SLC25A26: variants seen among roughly 807,000 people sequenced by gnomAD.
SLC25A26 encodes the protein solute carrier family 25 member 26.
In SLC25A26, 36 loss-of-function variants were observed where a neutral mutation model predicts 37.8. The observed-to-expected ratio is 0.95, with a 90% CI of 0.73 to 1.26. The LOEUF is 1.26. SLC25A26 is among the 50% of genes most tolerant of loss of function. The probability of loss-of-function intolerance (pLI) is 0.00; values close to 1 mark genes in which losing one functional copy is unlikely to be tolerated. For missense variants in SLC25A26, 390 were observed against 331.1 expected, an observed-to-expected ratio of 1.18 and a Z score of -1.38; for synonymous variants, 129 against 122.5, an observed-to-expected ratio of 1.05 and a Z score of -0.35.
chr3:66,277,466 G>T (rs2074193924), intron 5 of SLC25A26, among the ~76,000 whole-genome samples: 1 of 151,840 alleles, frequency 6.6e-6, no homozygotes, highest in South Asian at 2.1e-4. Context: ...TTGTTCAAAG[G>T]GTACAAATTG....
At chr3:66,214,137 G>T (rs2071326237) in intron 1 of SLC25A26, among the ~76,000 whole-genome samples, 1 of 152,030 alleles carries the variant, frequency 6.6e-6, no homozygotes, top group African/African-American at 2.4e-5. Flanking sequence ...TTGGGTCATG[G>T]GGGTGGATCC....
At chr3:66,310,487 G>A (rs1434392383) in intron 5 of SLC25A26, among the ~76,000 whole-genome samples, 2 of 152,162 alleles carry the variant, frequency 1.3e-5, no homozygotes, top group African/African-American at 2.4e-5. Context: ...GGGGCATCTA[G>A]CCCATTTACA....
intron 1 of SLC25A26, among the ~76,000 whole-genome samples, chr3:66,141,655 G>GCATATGTGGTA (rs1160969281): frequency 6.6e-6 from 1 of 152,078 alleles, no homozygotes; most frequent in Non-Finnish European, 1.5e-5. Flanking sequence ...TGGGATTACA[G>GCATATGTGGTA]GCATATGCCA....
intron 5 of SLC25A26, among the ~76,000 whole-genome samples, chr3:66,300,667 A>G (rs896631132): frequency 1.3e-5 from 2 of 152,008 alleles, no homozygotes; most frequent in Non-Finnish European, 2.9e-5. Flanking sequence ...TTTGAGAGAG[A>G]CTTTTTCCTT....
intron 1 of SLC25A26, among the ~76,000 whole-genome samples, chr3:66,161,934 C>G (rs2070365129): frequency 6.6e-6 from 1 of 152,118 alleles, no homozygotes; most frequent in Admixed American, 6.5e-5. Context: ...GTGAGAGTGT[C>G]ACAGCTGGTC....
chr3:66,222,166 A>G, intron 1 of SLC25A26, among the ~76,000 whole-genome samples: 1 of 151,928 alleles, frequency 6.6e-6, no homozygotes, highest in East Asian at 1.9e-4. Context: ...AGAAATATAA[A>G]GAAATAATGT....
chr3:66,303,920 A>C (rs947680631), intron 5 of SLC25A26, among the ~76,000 whole-genome samples: 1 of 152,164 alleles, frequency 6.6e-6, no homozygotes, highest in African/African-American at 2.4e-5. Flanking sequence ...GTTTCTTGTT[A>C]GCGATTGGAT....
chr3:66,157,636 C>T (rs964940159), intron 1 of SLC25A26, among the ~76,000 whole-genome samples: 3 of 152,176 alleles, frequency 2.0e-5, no homozygotes, highest in African/African-American at 4.8e-5. Flanking sequence ...ATCAATAATG[C>T]CTTTTTCCAG....
rs1322859199 is a variant in SLC25A26 at position 66,204,443 on chromosome 3, A to AAAG, written c.-353-16297_-353-16296insGAA. On this transcript the variant is annotated intron_variant, in intron 1 of 10. Coordinates refer to the SLC25A26 transcript ENST00000676754. ...TCCGTCTCAAAAAAAAAAAAAAGAA[A>AAAG]AAAAGAAAAAAGAAAGAAAAAGAAA... 2.1e-3 allele frequency among the ~76,000 whole-genome samples: 314 copies of AAAG among 147,996 alleles called. 5 individuals are homozygous for AAAG. The highest frequency in any genetic ancestry group is 7.1e-3 in the Middle Eastern group (2 of 282).
intron 1 of SLC25A26, among the ~76,000 whole-genome samples, chr3:66,163,749 C>T (rs551044926): frequency 6.6e-6 from 1 of 152,138 alleles, no homozygotes; most frequent in African/African-American, 2.4e-5. Flanking sequence ...CTGCCTTGAC[C>T]AAAGTCTGAT....
intron 2 of SLC25A26, among the ~76,000 whole-genome samples, chr3:66,241,238 G>T (rs960395235): frequency 5.9e-5 from 9 of 152,042 alleles, no homozygotes; most frequent in African/African-American, 2.2e-4. Flanking sequence ...TACACATTGT[G>T]ACTTAATTGG....
chr3:66,335,909 G>A (rs1251841842), intron 5 of SLC25A26, among the ~76,000 whole-genome samples: 1 of 152,188 alleles, frequency 6.6e-6, no homozygotes, highest in Non-Finnish European at 1.5e-5. Context: ...GGGGAGGGAA[G>A]GAGGGAGGAA....
intron 5 of SLC25A26, among the ~76,000 whole-genome samples, chr3:66,272,937 G>T (rs1023095621): frequency 6.6e-6 from 1 of 152,072 alleles, no homozygotes; most frequent in Non-Finnish European, 1.5e-5. Flanking sequence ...GTTTGTCATA[G>T]ATAGCTCTTA....
intron 5 of SLC25A26, among the ~76,000 whole-genome samples, chr3:66,327,538 C>T (rs1486087106): frequency 6.6e-6 from 1 of 151,990 alleles, no homozygotes; most frequent in Non-Finnish European, 1.5e-5. Context: ...TAAAATAATT[C>T]ATTTGTTATA....
At chr3:66,318,098 T>C (rs2075589498) in intron 5 of SLC25A26, among the ~76,000 whole-genome samples, 1 of 152,170 alleles carries the variant, frequency 6.6e-6, no homozygotes, top group South Asian at 2.1e-4. Flanking sequence ...TTTTAGCTCT[T>C]GGGGTTCTGT....
In SLC25A26 at chr3:66,372,867, G is replaced by A. The variant is rs530098181; in HGVS notation, c.707+2265G>A. On this transcript the variant is annotated intron_variant, in intron 9 of 9. Coordinates refer to ENST00000354883, the MANE Select transcript of SLC25A26 (RefSeq NM_001379210.1). ...CCACCTCCTGTCTCCTCCCCGGGGC[G>A]TGCACTAAGTTTACTAGGTACTACT... Among the ~76,000 whole-genome samples, 6 of 152,164 alleles carry A rather than the reference G, an allele frequency of 3.9e-5. No individual in the cohort carries two copies. In the South Asian group the frequency reaches 8.3e-4, roughly 21 times the overall value.
chr3:66,142,911 C>T (rs1468751217), intron 1 of SLC25A26, among the ~76,000 whole-genome samples: 2 of 152,058 alleles, frequency 1.3e-5, no homozygotes, highest in African/African-American at 4.8e-5. Flanking sequence ...TTACAGGCAG[C>T]ACCACTATGC....
In SLC25A26 at chr3:66,361,060, A is replaced by T. The variant is rs561167707; in HGVS notation, c.499-1800A>T. On this transcript the variant is annotated intron_variant, in intron 6 of 9. Coordinates refer to ENST00000354883, the MANE Select transcript of SLC25A26 (RefSeq NM_001379210.1). ...ATATCAAGATAGGCCTATAGATGAG[A>T]ACATAATAGAGAGTTCAGAAATAGA... 5.9e-5 allele frequency among the ~76,000 whole-genome samples: 9 copies of T among 152,358 alleles called. 1 individual carries two copies. The highest frequency in any genetic ancestry group is 1.7e-4 in the African/African-American group (7 of 41,586).
intron 3 of SLC25A26, among the ~76,000 whole-genome samples, chr3:66,258,028 T>A (rs2073373964): frequency 6.6e-6 from 1 of 152,208 alleles, no homozygotes; most frequent in African/African-American, 2.4e-5. Flanking sequence ...ACTTATGGAA[T>A]GAAGAATATT....
Sources: gnomAD v4.1 joint callset for allele counts (sites outside exome capture counted in the v4.1 genomes callset) on GRCh38, gnomAD v4.1.1 for gene constraint, MANE v1.5 for transcripts, NCBI Gene and HGNC (gene_info 2026-07-23, HGNC 2026-07-21) for gene names.